Variants in DCAF13 observed in about 807,000 individuals in gnomAD.
The protein encoded by DCAF13 is DDB1- and CUL4-associated factor 13.
DCAF13 carries 38 observed loss-of-function variants against 59.0 expected under a neutral mutation model. That is an observed-to-expected ratio of 0.64 (90% CI 0.50 to 0.84). The LOEUF (loss-of-function observed/expected upper bound fraction) is 0.84. Among genes scored for constraint, DCAF13 ranks in the 40% least tolerant of loss-of-function variants. The pLI is 0.00. For missense variants in DCAF13, 469 were observed against 558.4 expected (o/e 0.84, Z 1.61); for synonymous variants, 173 against 175.0 (o/e 0.99, Z 0.09).
chr8:103,426,186 C>T (rs568685875), intron 4 of DCAF13, 41 bp downstream of exon 4: 156 of 1,196,926 alleles, frequency 1.3e-4, no homozygotes, highest in Non-Finnish European at 1.7e-4. Context: ...TATTAACATT[C>T]TTTTATTTAA....
chr8:103,417,107 T>C (rs1341512236), intron 1 of DCAF13, among the ~76,000 whole-genome samples: 1 of 152,228 alleles, frequency 6.6e-6, no homozygotes, highest in African/African-American at 2.4e-5. Flanking sequence ...CCATATTAAC[T>C]GAACCAGTCC....
intron 1 of DCAF13, among the ~76,000 whole-genome samples, chr8:103,419,739 G>T (rs1054683964): frequency 6.6e-6 from 1 of 152,156 alleles, no homozygotes; most frequent in Non-Finnish European, 1.5e-5. Flanking sequence ...GGCCGGGCAC[G>T]GTGGCTCATG....
intron 10 of DCAF13, 115 bp downstream of exon 10, chr8:103,441,733 A>G: frequency 2.1e-6 from 2 of 964,852 alleles, no homozygotes; most frequent in Non-Finnish European, 3.1e-6. Flanking sequence ...ATTTAATAGT[A>G]TGTTAGTGAT....
intron 7 of DCAF13, among the ~76,000 whole-genome samples, chr8:103,434,468 C>T (rs3098224): frequency 0.23 from 34,219 of 152,020 alleles, 3,961 homozygotes; most frequent in East Asian, 0.34. Flanking sequence ...CTGAAAACCA[C>T]TGTTCTTAGG....
intron 8 of DCAF13, among the ~76,000 whole-genome samples, chr8:103,439,102 G>A (rs1422238474): frequency 1.3e-5 from 2 of 152,064 alleles, no homozygotes; most frequent in Non-Finnish European, 2.9e-5. Context: ...CCGCCTCCTG[G>A]GTTCACGCCA....
chr8:103,439,825 A>G (rs924682843), intron 8 of DCAF13: 1 of 170,556 alleles, frequency 5.9e-6, no homozygotes, highest in African/African-American at 2.4e-5. Flanking sequence ...GTTGAACATC[A>G]TATTTTATTT....
chr8:103,417,006 A>C (rs1816628365), intron 1 of DCAF13, among the ~76,000 whole-genome samples: 1 of 152,236 alleles, frequency 6.6e-6, no homozygotes, highest in Non-Finnish European at 1.5e-5. Context: ...CTGAAAATTA[A>C]ATATATTAAA....
rs141081528 is a variant in DCAF13 at position 103,439,108 on chromosome 8, C to T, written c.951-1028C>T. On this transcript the variant is annotated intron_variant, in intron 8 of 10. Transcript: ENST00000612750. Reference sequence around the variant, plus strand: ...CTGCAAGCTCCGCCTCCTGGGTTCACGCCATTCTGCCTCAGCCTCCCAAGT... The same window carrying T: ...CTGCAAGCTCCGCCTCCTGGGTTCATGCCATTCTGCCTCAGCCTCCCAAGT... Among the ~76,000 whole-genome samples, 788 of 152,122 alleles carry T rather than the reference C, an allele frequency of 5.2e-3. 3 individuals carry two copies. The highest frequency in any genetic ancestry group is 8.2e-3 in the Non-Finnish European group (560 of 67,982).
chr8:103,421,008 A>G lies in DCAF13; in HGVS notation c.304A>G (p.Ile102Val), dbSNP rs1166949567. The G allele has an allele frequency of 6.2e-7, 1 of 1,613,722 alleles. No individual in the cohort carries two copies. The highest frequency in any genetic ancestry group is 1.1e-5 in the South Asian group (1 of 91,076). ...TTGGAATCTAACTCAGCGGAATTGT[A>G]TCCGTACAATACAAGCACATGAAGG... ...RIWNLTQRNC[I>V]RTIQAHEGFV... The change falls in exon 3 of 11, where the codon ATC (isoleucine) becomes GTC (valine). Residue 102 changes from isoleucine to valine, a missense_variant. Ile to Val is a conservative substitution (Grantham distance 29). Transcript: ENST00000612750.
rs189501239 is a variant in DCAF13 at position 103,418,195 on chromosome 8, A to G, written c.71-2069A>G. Among the ~76,000 whole-genome samples, 16 of 152,192 alleles carry G rather than the reference A, an allele frequency of 1.1e-4. No individual in the cohort carries two copies. The East Asian group carries it at 2.9e-3, about 28-fold the overall frequency. ...TGCCGCCAAATCAAGTAGGGATGAT[A>G]TTAAAGTAGCCCAAGTATAAGATAA... On this transcript the variant is annotated intron_variant, in intron 1 of 10. Coordinates refer to ENST00000612750, the MANE Select transcript of DCAF13 (RefSeq NM_015420.7).
At chr8:103,424,809 T>C (rs1415619369) in intron 3 of DCAF13, among the ~76,000 whole-genome samples, 6 of 152,234 alleles carry the variant, frequency 3.9e-5, no homozygotes, top group Non-Finnish European at 7.3e-5. Flanking sequence ...CAAGACCTGG[T>C]ACCTAGATTA....
At chr8:103,419,683 A>T (rs1295858255) in intron 1 of DCAF13, among the ~76,000 whole-genome samples, 1 of 152,136 alleles carries the variant, frequency 6.6e-6, no homozygotes, top group African/African-American at 2.4e-5. Flanking sequence ...CTGACAGTGA[A>T]CACTTACAAC....
chr8:103,439,132 G>A (rs1379255007), intron 8 of DCAF13, among the ~76,000 whole-genome samples: 3 of 152,018 alleles, frequency 2.0e-5, no homozygotes, highest in African/African-American at 7.2e-5. Flanking sequence ...AGCCTCCCAA[G>A]TAGCTGGGAC....
intron 9 of DCAF13, 198 bp from the exon 10 acceptor site, chr8:103,441,257 G>A (rs1817006707): frequency 4.1e-6 from 2 of 486,424 alleles, no homozygotes; most frequent in East Asian, 4.0e-5. Flanking sequence ...TACATGGCGA[G>A]TGTGTTGCCT....
At chr8:103,429,297 A>G (rs966022611) in intron 5 of DCAF13, 2 of 152,254 alleles carry the variant, frequency 1.3e-5, no homozygotes, top group Non-Finnish European at 2.9e-5. Context: ...GCAGCCATTA[A>G]GATAGCAGGC....
chr8:103,421,507 T>A (rs1206944625), intron 3 of DCAF13, among the ~76,000 whole-genome samples: 2 of 152,222 alleles, frequency 1.3e-5, no homozygotes, highest in Admixed American at 6.5e-5. Context: ...TACATTCACA[T>A]CACTGTGCAA....
intron 3 of DCAF13, chr8:103,421,354 AT>A: frequency 3.8e-6 from 2 of 522,278 alleles, no homozygotes; most frequent in Admixed American, 6.0e-5. Flanking sequence ...ACTCTGGAGG[AT>A]TTTTGATGCT....
At chr8:103,430,712 G>A in intron 6 of DCAF13, 23 bp downstream of exon 6, 1 of 1,559,550 alleles carries the variant, frequency 6.4e-7, no homozygotes, top group African/African-American at 1.4e-5. Context: ...TTTGACTTTT[G>A]CTTTATACAG....
intron 3 of DCAF13, among the ~76,000 whole-genome samples, chr8:103,422,997 G>GT (rs139154337): frequency 0.011 from 1,682 of 151,372 alleles, 33 homozygotes; most frequent in African/African-American, 0.039. Flanking sequence ...CGGTTTTGGT[G>GT]TAAAAAAAAA....
Sources: gnomAD v4.1 joint callset for allele counts (sites outside exome capture counted in the v4.1 genomes callset) on GRCh38, gnomAD v4.1.1 for gene constraint, MANE v1.5 for transcripts, NCBI Gene and HGNC (gene_info 2026-07-23, HGNC 2026-07-21) for gene names.